GON4L: variants seen among roughly 807,000 people sequenced by gnomAD.
GON4L encodes GON-4-like protein.
GON4L carries 87 observed loss-of-function variants against 211.8 expected under a neutral mutation model. That is an observed-to-expected ratio of 0.41 (90% CI 0.35 to 0.49). The LOEUF is 0.49. GON4L is among the 20% of genes least tolerant of loss of function. GON4L has a pLI of 0.15. For missense variants in GON4L, 2,155 were observed against 2,659.5 expected (o/e 0.81, Z 4.17); for synonymous variants, 875 against 962.6 (o/e 0.91, Z 1.68).
At chr1:155,753,813 G>A (rs1255699871) in intron 28 of GON4L, among the ~76,000 whole-genome samples, 2 of 152,028 alleles carry the variant, frequency 1.3e-5, no homozygotes, top group Non-Finnish European at 2.9e-5. Context: ...CTGGGCTCAA[G>A]TGATCCTCCC....
At chr1:155,810,219 C>G (rs1166560037) in intron 10 of GON4L, among the ~76,000 whole-genome samples, 1 of 150,942 alleles carries the variant, frequency 6.6e-6, no homozygotes. Flanking sequence ...TGGTCTCAAA[C>G]CTGACCTCGG....
intron 9 of GON4L, 76 bp downstream of exon 9, chr1:155,814,250 GATAA>G: frequency 7.6e-7 from 1 of 1,315,324 alleles, no homozygotes; most frequent in Non-Finnish European, 1.1e-6. Context: ...AATCACCATG[GATAA>G]ATAATCTACT....
chr1:155,850,718 C>G (rs1422390299), intron 2 of GON4L, among the ~76,000 whole-genome samples: 1 of 152,022 alleles, frequency 6.6e-6, no homozygotes, highest in African/African-American at 2.4e-5. Flanking sequence ...AACAAGTGGA[C>G]TTAAAATGCG....
intron 2 of GON4L, among the ~76,000 whole-genome samples, chr1:155,851,198 CA>C (rs376852326): frequency 1.0e-3 from 157 of 149,788 alleles, no homozygotes; most frequent in Middle Eastern, 3.6e-3. Flanking sequence ...ACTAAAAATA[CA>C]AAAAATTAGC....
Position 155,826,995 on chromosome 1 carries a change from G to A in GON4L, c.539C>T (p.Pro180Leu), listed in dbSNP as rs1365216827. ...AGATTGGCTGCCTGATGGCAGGGAAGGTATCTCCCCTTCAGAATTCATTTG... is the reference window on the plus strand; with the variant it reads ...AGATTGGCTGCCTGATGGCAGGGAAAGTATCTCCCCTTCAGAATTCATTTG... ...KPQMNSEGEI[P>L]SLPSGSQSAK... The change falls in exon 3 of 32, where the codon CCT becomes CTT. Residue 180 changes from proline (P) to leucine (L), a missense_variant. This residue lies in a region of GON4L where 313 missense variants were observed against 293.2 expected (regional missense o/e 1.07). Coordinates refer to ENST00000368331, the MANE Select transcript of GON4L (RefSeq NM_001282860.2). 1.9e-6 allele frequency: 3 copies of A among 1,613,724 alleles called. No homozygotes were observed. The highest frequency in any genetic ancestry group is 3.3e-5 in the Admixed American group (2 of 59,986).
At chr1:155,748,687 C>A (rs566489684), downstream of GON4L, 16 of 1,613,630 alleles carry the variant, frequency 9.9e-6, no homozygotes, top group East Asian at 3.6e-4. Flanking sequence ...TTTGGAGGAG[C>A]CACCCCATGG....
chr1:155,834,384 A>G (rs1405403810), intron 2 of GON4L, among the ~76,000 whole-genome samples: 1 of 152,108 alleles, frequency 6.6e-6, no homozygotes, highest in Non-Finnish European at 1.5e-5. Context: ...TCTTCAATCC[A>G]CTGCTCTTCC....
At position 155,766,398 on chromosome 1, in the gene GON4L, T is replaced by C; in HGVS notation, c.3075A>G (p.Ser1025=). The stretch of plus-strand genomic sequence containing the variant: ...TGCTCGGAGGGGCTTCTGAATGAGT[T>C]GATCGGGCTGGTGTTTTCCCAGGGT... ...SFNPGKTPAR[S]THSEAPPSKM... The change falls in exon 21 of 32, where the codon TCA becomes TCG. Residue 1025 remains serine, a synonymous_variant. Coordinates refer to ENST00000368331, the MANE Select transcript of GON4L (RefSeq NM_001282860.2). 1 of 1,614,130 alleles carries C rather than the reference T, an allele frequency of 6.2e-7. No homozygotes were observed. The highest frequency in any genetic ancestry group is 8.5e-7 in the Non-Finnish European group (1 of 1,180,008).
chr1:155,849,773 C>A (rs1169420642), intron 2 of GON4L, among the ~76,000 whole-genome samples: 140 of 77,262 alleles, frequency 1.8e-3, no homozygotes, highest in African/African-American at 5.6e-3. Flanking sequence ...GACTCCGTCT[C>A]AAAAAAAAAA....
chr1:155,748,124 T>C, downstream of GON4L: 4 of 1,598,762 alleles, frequency 2.5e-6, no homozygotes, highest in Non-Finnish European at 3.4e-6. Context: ...ACCTGCATTA[T>C]GATGTAAGTC....
At chr1:155,821,309 CAAATA>C (rs1329819254) in intron 5 of GON4L, among the ~76,000 whole-genome samples, 160 bp downstream of exon 5, 5 of 151,610 alleles carry the variant, frequency 3.3e-5, no homozygotes, top group East Asian at 1.9e-4. Context: ...AATAAAATAA[CAAATA>C]AAATAAGTAA....
intron 2 of GON4L, among the ~76,000 whole-genome samples, chr1:155,836,481 C>G (rs1670329905): frequency 6.6e-6 from 1 of 152,140 alleles, no homozygotes; most frequent in African/African-American, 2.4e-5. Flanking sequence ...AACTCCTGAC[C>G]TCGTGATCCC....
At chr1:155,855,576 A>G (rs766899804) in intron 1 of GON4L, among the ~76,000 whole-genome samples, 5 of 152,218 alleles carry the variant, frequency 3.3e-5, no homozygotes, top group Non-Finnish European at 7.3e-5. Context: ...TTGATACTCA[A>G]TGTGTCACTG....
Position 155,773,215 on chromosome 1 carries a change from A to G in GON4L, c.2351-5T>C. 6.2e-7 allele frequency: 1 copy of G among 1,614,036 alleles called. No individual in the cohort carries two copies. The highest frequency in any genetic ancestry group is 8.5e-7 in the Non-Finnish European group (1 of 1,179,926). On this transcript the variant is annotated splice_region_variant and splice_polypyrimidine_tract_variant and intron_variant, in intron 17 of 31. Coordinates refer to ENST00000368331, the MANE Select transcript of GON4L (RefSeq NM_001282860.2). ...GCAAACAGGGAAATTCATTCGCTAT[A>G]AGAAAATAAATCTCGGATAAATCAA...
chr1:155,846,903 C>G (rs1571932145), intron 2 of GON4L, among the ~76,000 whole-genome samples: 1 of 152,050 alleles, frequency 6.6e-6, no homozygotes, highest in East Asian at 1.9e-4. Context: ...CCCAGCTACT[C>G]AGGAGGCTGA....
At chr1:155,857,698 C>T (rs1011493674), upstream of GON4L, among the ~76,000 whole-genome samples, 1 of 151,472 alleles carries the variant, frequency 6.6e-6, no homozygotes, top group Non-Finnish European at 1.5e-5. Context: ...CACTGCACTC[C>T]AACCTGAGCG....
rs1161287646 is a variant in GON4L at position 155,749,984 on chromosome 1, G to A, written c.*600C>T. ...CCTCTTCGTCCCTGCACCAGACCCTGGAAGCCTTGGCCAGAGACCTCACCA... is the reference window on the plus strand; with the variant it reads ...CCTCTTCGTCCCTGCACCAGACCCTAGAAGCCTTGGCCAGAGACCTCACCA... On this transcript the variant is annotated 3_prime_UTR_variant, in exon 32 of 32. Coordinates refer to ENST00000368331, the MANE Select transcript of GON4L (RefSeq NM_001282860.2). 15 of 1,479,882 alleles carry A rather than the reference G, an allele frequency of 1.0e-5. No individual in the cohort carries two copies. The highest frequency in any genetic ancestry group is 8.7e-5 in the Admixed American group (4 of 45,856). The allele number at this position is 1,479,882 out of a possible 1,614,324, so 91.7% of individuals were successfully genotyped here.
intron 2 of GON4L, among the ~76,000 whole-genome samples, chr1:155,839,926 CAT>C (rs1670631065): frequency 6.6e-6 from 1 of 152,174 alleles, no homozygotes; most frequent in Non-Finnish European, 1.5e-5. Context: ...TTCTCAGATT[CAT>C]ATCTCATAAG....
At position 155,765,879 on chromosome 1, in the gene GON4L, A is replaced by G. The variant is rs751034099; in HGVS notation, c.3594T>C (p.Leu1198=). 16 of 1,614,166 alleles carry G rather than the reference A, an allele frequency of 9.9e-6. No homozygotes were observed. Among genetic ancestry groups the G allele is most frequent in the East Asian group, 2.2e-5 (1 of 44,884 alleles). Residue 1198 remains leucine, a synonymous_variant, in exon 21 of 32, where the codon CTT becomes CTC. Transcript: ENST00000368331. ...TSFPCPLNQS[L]VASSVSPLIV... ...TTAAGGGTGAGACAGAGGAGGCCAC[A>G]AGGGACTGGTTCAATGGACAGGGGA...
Sources: allele counts gnomAD v4.1 joint callset (sites outside exome capture counted in the v4.1 genomes callset), GRCh38; gene constraint gnomAD v4.1.1; regional missense constraint gnomAD v4.1.1; transcripts MANE v1.5; gene names NCBI Gene and HGNC (gene_info 2026-07-23, HGNC 2026-07-21).